GNB5: variants seen among roughly 807,000 people sequenced by gnomAD.
The protein encoded by GNB5 is G protein subunit beta 5, also known as guanine nucleotide-binding protein subunit beta-5.
In GNB5, 37 loss-of-function variants were observed where a neutral mutation model predicts 55.3. The ratio of observed to expected loss-of-function variants is 0.67; its 90% CI spans 0.51 to 0.88. The LOEUF (loss-of-function observed/expected upper bound fraction) is 0.88, where lower values mean the gene tolerates loss of function less well. GNB5 is among the 40% of genes least tolerant of loss of function. The probability of loss-of-function intolerance (pLI) is 0.00; values close to 1 mark genes in which losing one functional copy is unlikely to be tolerated. For synonymous variants in GNB5, 219 were observed against 198.5 expected (o/e 1.10, Z -0.87); for missense variants, 476 against 515.3 (o/e 0.92, Z 0.74).
chr15:52,189,877 C>A (rs1279551527), intron 1 of GNB5, among the ~76,000 whole-genome samples: 1 of 152,034 alleles, frequency 6.6e-6, no homozygotes, highest in East Asian at 1.9e-4. Context: ...TCCATAGAGA[C>A]ATGAAGCAGA....
intron 6 of GNB5, among the ~76,000 whole-genome samples, chr15:52,146,440 C>T (rs2033978189): frequency 6.6e-6 from 1 of 152,136 alleles, no homozygotes; most frequent in Non-Finnish European, 1.5e-5. Flanking sequence ...ATCTTGATGC[C>T]CTTTTCACAC....
In GNB5 at chr15:52,120,942, A is replaced by T. The variant is rs747666703; in HGVS notation, c.*1815T>A. On this transcript the variant is annotated 3_prime_UTR_variant, in exon 13 of 13. Transcript: ENST00000261837. ...AACTGCTCTGCAAATGATCAAATAT[A>T]ATTATTATGTTTATTTGAAGTGAGA... The T allele has an allele frequency of 6.6e-6, 1 of 152,200 alleles. No individual in the cohort carries two copies. Among genetic ancestry groups the T allele is most frequent in the Non-Finnish European group, 1.5e-5 (1 of 68,036 alleles). The allele number at this position is 152,200 out of a possible 1,614,324, so 9.4% of individuals were successfully genotyped here. A position where few individuals can be genotyped will look rare whatever the true frequency, so the allele number is the denominator to read the frequency against.
At chr15:52,146,939 C>T (rs545748096) in intron 6 of GNB5, among the ~76,000 whole-genome samples, 1 of 152,014 alleles carries the variant, frequency 6.6e-6, no homozygotes, top group South Asian at 2.1e-4. Flanking sequence ...TATGGCTTTT[C>T]TATGTTTTGG....
At chr15:52,149,950 T>G in intron 4 of GNB5, 25 bp from the exon 5 acceptor site, 1 of 1,587,538 alleles carries the variant, frequency 6.3e-7, no homozygotes, top group Non-Finnish European at 8.7e-7. Context: ...GCAAACAGTT[T>G]AGGGGTTGTC....
chr15:52,179,311 C>T (rs1328696632), intron 3 of GNB5, among the ~76,000 whole-genome samples: 2 of 152,068 alleles, frequency 1.3e-5, no homozygotes, highest in South Asian at 4.1e-4. Flanking sequence ...AAAAGCAAAA[C>T]TGAGAAAAGA....
chr15:52,152,985 A>G (rs1366071460), intron 4 of GNB5, among the ~76,000 whole-genome samples: 2 of 152,240 alleles, frequency 1.3e-5, no homozygotes, highest in Non-Finnish European at 2.9e-5. Context: ...TTACATAAAA[A>G]TAGACATCAA....
At chr15:52,141,705 T>C (rs2033858345) in intron 6 of GNB5, among the ~76,000 whole-genome samples, 1 of 152,186 alleles carries the variant, frequency 6.6e-6, no homozygotes, top group Non-Finnish European at 1.5e-5. Flanking sequence ...TTCTGAACCA[T>C]TTGACTGCAA....
chr15:52,169,295 G>C (rs1472311460), intron 3 of GNB5, among the ~76,000 whole-genome samples: 2 of 152,016 alleles, frequency 1.3e-5, no homozygotes, highest in Non-Finnish European at 2.9e-5. Context: ...ACTCCAGCCT[G>C]GGTGACTGAG....
intron 12 of GNB5, among the ~76,000 whole-genome samples, chr15:52,123,048 A>T (rs1294833500): frequency 7.3e-6 from 1 of 136,140 alleles, no homozygotes; most frequent in African/African-American, 3.3e-5. Flanking sequence ...CAGCCTCCTT[A>T]CGGGCCTAGC....
At chr15:52,165,359 G>C (rs1474144789) in intron 3 of GNB5, among the ~76,000 whole-genome samples, 23 of 152,104 alleles carry the variant, frequency 1.5e-4, no homozygotes. Context: ...GAAATCCAGA[G>C]AACGCCAGTA....
At chr15:52,190,660 G>A (rs537706611) in intron 1 of GNB5, among the ~76,000 whole-genome samples, 4 of 151,814 alleles carry the variant, frequency 2.6e-5, no homozygotes, top group South Asian at 2.1e-4. Flanking sequence ...AGTATAAGTC[G>A]GTATAACCAC....
chr15:52,122,906 A>AC, intron 12 of GNB5, 138 bp from the exon 13 acceptor site: 3 of 708,908 alleles, frequency 4.2e-6, no homozygotes, highest in Admixed American at 2.2e-5. Context: ...ACACACACAC[A>AC]AACATACACA....
In GNB5 at chr15:52,119,007, A is replaced by ATGGGGAGAAAAGAAAGAGC. The variant is rs2033199780; in HGVS notation, c.*3731_*3749dup. On this transcript the variant is annotated 3_prime_UTR_variant, in exon 13 of 13. Transcript: ENST00000261837. ...GGGGCTGCCTATGGATGGGGAGGAGATGGGGAGAAAAGAAAGAGCTGGGGG... is the reference window on the plus strand; with the variant it reads ...GGGGCTGCCTATGGATGGGGAGGAGATGGGGAGAAAAGAAAGAGCTGGGGAGAAAAGAAAGAGCTGGGGG... The ATGGGGAGAAAAGAAAGAGC allele has an allele frequency of 8.2e-6, 1 of 122,096 alleles. No individual in the cohort carries two copies. Among genetic ancestry groups the ATGGGGAGAAAAGAAAGAGC allele is most frequent in the African/African-American group, 4.0e-5 (1 of 25,012 alleles). 7.6% of individuals were successfully genotyped at this position (122,096 alleles called of 1,614,324 possible).
rs1235346834 is a variant in GNB5 at position 52,121,109 on chromosome 15, C to T, written c.*1648G>A. On this transcript the variant is annotated 3_prime_UTR_variant, in exon 13 of 13. Coordinates refer to ENST00000261837, the MANE Select transcript of GNB5 (RefSeq NM_016194.4). Reference sequence around the variant, plus strand: ...AGTCCTGTCTTATGGCTGTGCCCAGCTCCAGCTCTGGAAGAGTCTCTCTGA... The same window carrying T: ...AGTCCTGTCTTATGGCTGTGCCCAGTTCCAGCTCTGGAAGAGTCTCTCTGA... The T allele has an allele frequency of 6.6e-6, 1 of 152,202 alleles. No homozygotes were observed. The highest frequency in any genetic ancestry group is 2.4e-5 in the African/African-American group (1 of 41,460). 9.4% of individuals were successfully genotyped at this position (152,202 alleles called of 1,614,324 possible). A position where few individuals can be genotyped will look rare whatever the true frequency, so the allele number is the denominator to read the frequency against.
chr15:52,133,423 C>T lies in GNB5; in HGVS notation c.818G>A (p.Cys273Tyr). 6.2e-7 allele frequency: 1 copy of T among 1,613,350 alleles called. No individual in the cohort carries two copies. The change falls in exon 9 of 13, where the codon TGC (cysteine) becomes TAC (tyrosine). Residue 273 changes from cysteine to tyrosine, a missense_variant. Transcript: ENST00000261837. Reference sequence around the variant, plus strand: ...TTCATGTGTTTCAAAGGCCTGCACGCACTGGCCGGAGCGCATGTCCCACAC... The same window carrying T: ...TTCATGTGTTTCAAAGGCCTGCACGTACTGGCCGGAGCGCATGTCCCACAC... ...AMVWDMRSGQCVQAFETHESD... is the reference protein window; with the variant it reads ...AMVWDMRSGQYVQAFETHESD...
chr15:52,147,154 T>A, intron 6 of GNB5: 1 of 239,196 alleles, frequency 4.2e-6, no homozygotes, highest in South Asian at 5.5e-5. Context: ...TGAAAGAGAG[T>A]TTTATGGTTT....
chr15:52,117,741 AAG>A lies in GNB5; in HGVS notation c.*5014_*5015del, dbSNP rs1247934822. 1.3e-5 allele frequency: 2 copies of A among 152,318 alleles called. No homozygotes were observed. The highest frequency in any genetic ancestry group is 1.3e-4 in the Admixed American group (2 of 15,288). The allele number at this position is 152,318 out of a possible 1,614,324, so 9.4% of individuals were successfully genotyped here. On this transcript the variant is annotated 3_prime_UTR_variant, in exon 13 of 13. Transcript: ENST00000261837. Reference sequence around the variant, plus strand: ...GTGGTTTAGCATGGCAATCCTTACAAAGGATCCACAGAGACAAGATTCACTCG... The same window carrying A: ...GTGGTTTAGCATGGCAATCCTTACAAGATCCACAGAGACAAGATTCACTCG...
At chr15:52,126,899 C>T (rs932216492) in intron 10 of GNB5, among the ~76,000 whole-genome samples, 2 of 152,126 alleles carry the variant, frequency 1.3e-5, no homozygotes, top group Non-Finnish European at 2.9e-5. Context: ...AGGGTTCAAA[C>T]GATTCTCCTG....
intron 4 of GNB5, among the ~76,000 whole-genome samples, 175 bp downstream of exon 4, chr15:52,153,765 C>T (rs1196585191): frequency 1.3e-5 from 2 of 152,082 alleles, no homozygotes; most frequent in African/African-American, 4.8e-5. Flanking sequence ...TTAAATCTAC[C>T]CAAATTATGA....
Sources: gnomAD v4.1 joint callset for allele counts (sites outside exome capture counted in the v4.1 genomes callset) on GRCh38, gnomAD v4.1.1 for gene constraint, MANE v1.5 for transcripts, NCBI Gene and HGNC (gene_info 2026-07-23, HGNC 2026-07-21) for gene names.